The following NRG4 variants were observed in gnomAD, a reference collection of about 807,000 sequenced individuals.
NRG4 encodes the protein pro-neuregulin-4, membrane-bound isoform.
Under a neutral mutation model 15.0 loss-of-function variants are expected in NRG4, and 10 were observed. That is an observed-to-expected ratio of 0.67 (90% confidence interval 0.41 to 1.13). NRG4 has a LOEUF of 1.13. Ranked by LOEUF, NRG4 falls within the 50% of genes most tolerant of loss-of-function variation. The pLI, the probability that NRG4 is intolerant of heterozygous loss-of-function variation, is 0.00. For missense variants in NRG4, 139 were observed against 140.2 expected (o/e 0.99, Z 0.04); for synonymous variants, 41 against 50.1 (o/e 0.82, Z 0.77).
Position 76,019,351 on chromosome 15 carries a change from C to T in NRG4, c.-56-8065G>A, listed in dbSNP as rs192132469. Among the ~76,000 whole-genome samples, 1,156 of 152,212 alleles carry T rather than the reference C, an allele frequency of 7.6e-3. 7 individuals are homozygous for T. The highest frequency in any genetic ancestry group is 0.012 in the Non-Finnish European group (814 of 68,006). ...TCCAGGGGGGTGAACGGTTCTGTCT[C>T]GCTGGTGTTCCAGGCACCATTGGGG... On this transcript the variant is annotated intron_variant, in intron 5 of 8. Transcript: ENST00000563910.
intron 5 of NRG4, among the ~76,000 whole-genome samples, chr15:76,018,033 CT>C (rs1160093228): frequency 6.6e-6 from 1 of 152,060 alleles, no homozygotes; most frequent in East Asian, 1.9e-4. Context: ...TCTTTTCAAT[CT>C]TTTTTCTCTA....
At chr15:75,989,048 G>A (rs529751714) in intron 3 of NRG4, among the ~76,000 whole-genome samples, 1 of 151,824 alleles carries the variant, frequency 6.6e-6, no homozygotes, top group East Asian at 1.9e-4. Flanking sequence ...TGTAGAGATG[G>A]GGTCTCACTA....
chr15:75,999,952 C>A (rs1157620850), intron 3 of NRG4, among the ~76,000 whole-genome samples: 1 of 152,152 alleles, frequency 6.6e-6, no homozygotes, highest in Non-Finnish European at 1.5e-5. Flanking sequence ...AGCATGATCT[C>A]GGCTCACTGC....
chr15:75,973,580 G>T (rs1367057731), intron 3 of NRG4, among the ~76,000 whole-genome samples: 23 of 152,080 alleles, frequency 1.5e-4, no homozygotes, highest in Non-Finnish European at 2.9e-5. Flanking sequence ...GCATGAAGGG[G>T]TGTTGAATTT....
intron 5 of NRG4, among the ~76,000 whole-genome samples, chr15:76,034,198 T>C (rs2035545331): frequency 6.6e-6 from 1 of 152,186 alleles, no homozygotes; most frequent in Non-Finnish European, 1.5e-5. Context: ...AGATAAGATA[T>C]CTATCTCTAA....
chr15:75,946,190 G>A (rs1033897501), intron 5 of NRG4, among the ~76,000 whole-genome samples: 10 of 152,068 alleles, frequency 6.6e-5, no homozygotes, highest in Non-Finnish European at 1.2e-4. Flanking sequence ...AGAAGGGTGC[G>A]CAATTTAAAA....
chr15:76,020,684 C>T (rs2035123534), intron 5 of NRG4, among the ~76,000 whole-genome samples: 1 of 152,210 alleles, frequency 6.6e-6, no homozygotes, highest in South Asian at 2.1e-4. Context: ...CCATTCTGGG[C>T]TGCATGCGGC....
At chr15:76,016,091 A>G (rs1198840106), upstream of NRG4, among the ~76,000 whole-genome samples, 1 of 152,236 alleles carries the variant, frequency 6.6e-6, no homozygotes, top group Non-Finnish European at 1.5e-5. Flanking sequence ...GTATGTGTCC[A>G]GGAATTTATC....
intron 3 of NRG4, among the ~76,000 whole-genome samples, chr15:75,981,325 A>G (rs532633389): frequency 6.6e-6 from 1 of 152,272 alleles, no homozygotes; most frequent in South Asian, 2.1e-4. Flanking sequence ...ACCCAGCTGA[A>G]CACAGCTCCT....
chr15:76,024,104 C>T (rs1464782350), intron 5 of NRG4, among the ~76,000 whole-genome samples: 1 of 152,218 alleles, frequency 6.6e-6, no homozygotes, highest in Non-Finnish European at 1.5e-5. Context: ...GATTCATGGG[C>T]TACTCCTAGC....
At chr15:76,008,799 A>G (rs2034701845) in intron 3 of NRG4, among the ~76,000 whole-genome samples, 1 of 152,158 alleles carries the variant, frequency 6.6e-6, no homozygotes, top group African/African-American at 2.4e-5. Flanking sequence ...CTCAGTTATC[A>G]TGTGTTTATG....
At position 76,055,657 on chromosome 15, in the gene NRG4, TA is replaced by T. The variant is rs202123110; in HGVS notation, c.-262+1296del. 3.5e-3 allele frequency among the ~76,000 whole-genome samples: 534 copies of T among 151,628 alleles called. 2 individuals are homozygous for T. The highest frequency in any genetic ancestry group is 9.2e-3 in the East Asian group (48 of 5,190). ...TTTCCATGTAGAATATACTGTTTAT[TA>T]AAAAAATAATTAAAATGTGCTGATT... On this transcript the variant is annotated intron_variant, in intron 2 of 8. Transcript: ENST00000563910.
At chr15:76,011,562 C>A (rs1271204591) in intron 1 of NRG4, among the ~76,000 whole-genome samples, 1 of 152,074 alleles carries the variant, frequency 6.6e-6, no homozygotes, top group East Asian at 1.9e-4. Flanking sequence ...GCAGAAAAGT[C>A]TAATAAGGCT....
chr15:76,000,816 G>A (rs2034387161), intron 3 of NRG4, among the ~76,000 whole-genome samples: 1 of 151,932 alleles, frequency 6.6e-6, no homozygotes, highest in African/African-American at 2.4e-5. Flanking sequence ...ATACATGATG[G>A]TATATTCACA....
chr15:76,037,379 C>A (rs2069035607), intron 4 of NRG4, among the ~76,000 whole-genome samples: 1 of 152,192 alleles, frequency 6.6e-6, no homozygotes, highest in South Asian at 2.1e-4. Context: ...GTGAAGAAAT[C>A]TGTGTGCTTG....
At chr15:75,959,172 C>T (rs1433152246) in intron 4 of NRG4, 1 of 391,690 alleles carries the variant, frequency 2.6e-6, no homozygotes, top group Non-Finnish European at 5.1e-6. Context: ...TTGTTTTGTA[C>T]AGACGGGGTC....
downstream of NRG4, chr15:75,937,530 A>AG (rs1193967849): frequency 2.0e-5 from 3 of 148,942 alleles, no homozygotes; most frequent in Non-Finnish European, 2.9e-5. Flanking sequence ...AAAAAAAAAA[A>AG]AAGCAACTGT....
At chr15:75,996,950 AG>A (rs2034237227) in intron 3 of NRG4, among the ~76,000 whole-genome samples, 2 of 152,150 alleles carry the variant, frequency 1.3e-5, no homozygotes, top group South Asian at 4.1e-4. Flanking sequence ...CTTTGTAAAA[AG>A]GATGAGGTAG....
Position 75,990,684 on chromosome 15 carries a change from G to GTT in NRG4, c.104+18514_104+18515dup, listed in dbSNP as rs1254138831. Among the ~76,000 whole-genome samples, 66 of 102,224 alleles carry GTT rather than the reference G, an allele frequency of 6.5e-4. 1 individual carries two copies. The highest frequency in any genetic ancestry group is 1.6e-3 in the African/African-American group (48 of 29,492). 67.1% of individuals were successfully genotyped at this position (102,224 alleles called of 152,430 possible). A position where few individuals can be genotyped will look rare whatever the true frequency, so the allele number is the denominator to read the frequency against. ...TAGTTGGTAATTGTTTTTTTTTTTT[G>GTT]TTTTTTTTTTTTTTGAGACAGGGTC... is the stretch of plus-strand genomic sequence containing the variant. On this transcript the variant is annotated intron_variant, in intron 3 of 5. Coordinates refer to ENST00000394907, the MANE Select transcript of NRG4 (RefSeq NM_138573.4).
Sources: gnomAD v4.1 joint callset for allele counts (sites outside exome capture counted in the v4.1 genomes callset) on GRCh38, gnomAD v4.1.1 for gene constraint, MANE v1.5 for transcripts, NCBI Gene and HGNC (gene_info 2026-07-23, HGNC 2026-07-21) for gene names.